Variants in ANKRD11 observed in about 807,000 individuals in gnomAD.
The protein encoded by ANKRD11 is ankyrin repeat domain 11.
Under a neutral mutation model 195.7 loss-of-function variants are expected in ANKRD11, and 17 were observed. That is an observed-to-expected ratio of 0.09 (90% CI 0.06 to 0.13). The LOEUF is 0.13. ANKRD11 is among the 10% of genes least tolerant of loss of function. The pLI is 1.00. For missense variants in ANKRD11, 3,735 were observed against 3,566.1 expected (o/e 1.05, Z -1.21); for synonymous variants, 1,953 against 1,528.1 (o/e 1.28, Z -6.49).
At chr16:89,448,294 AG>A (rs2043900212) in intron 1 of ANKRD11, among the ~76,000 whole-genome samples, 1 of 152,244 alleles carries the variant, frequency 6.6e-6, no homozygotes, top group Non-Finnish European at 1.5e-5. Context: ...TAATATAAAA[AG>A]AAAAAGTCTC....
At chr16:89,381,220 C>G (rs1391953990) in intron 2 of ANKRD11, among the ~76,000 whole-genome samples, 1 of 151,312 alleles carries the variant, frequency 6.6e-6, no homozygotes, top group African/African-American at 2.4e-5. Context: ...TAATCCCAGC[C>G]ACTGGGGAGG....
At chr16:89,352,563 A>G (rs73255814) in intron 2 of ANKRD11, among the ~76,000 whole-genome samples, 6,356 of 152,214 alleles carry the variant, frequency 0.042, 462 homozygotes, top group African/African-American at 0.14. Context: ...GGCCCCTGTC[A>G]GGGCCACTTC....
intron 2 of ANKRD11, among the ~76,000 whole-genome samples, chr16:89,333,833 C>T (rs564890560): frequency 1.3e-5 from 2 of 152,276 alleles, no homozygotes; most frequent in Non-Finnish European, 2.9e-5. Flanking sequence ...GGGCACTGCA[C>T]ACCATCACAG....
chr16:89,303,286 C>G (rs954144511), intron 4 of ANKRD11, among the ~76,000 whole-genome samples: 1 of 152,230 alleles, frequency 6.6e-6, no homozygotes, highest in East Asian at 1.9e-4. Flanking sequence ...AACATGACGG[C>G]CTTCTACAAC....
intron 7 of ANKRD11, chr16:89,288,212 G>C: frequency 1.6e-6 from 1 of 610,080 alleles, no homozygotes; most frequent in Non-Finnish European, 2.9e-6. Flanking sequence ...GGGACCGGCA[G>C]CAACTCCTGC....
chr16:89,288,104 G>C (rs2034778954), intron 7 of ANKRD11: 2 of 581,992 alleles, frequency 3.4e-6, no homozygotes, highest in African/African-American at 1.9e-5. Context: ...TAAAGCTTGA[G>C]TCTATGGTTC....
chr16:89,475,178 A>G (rs1388868071), intron 1 of ANKRD11, among the ~76,000 whole-genome samples: 2 of 152,192 alleles, frequency 1.3e-5, no homozygotes, highest in Non-Finnish European at 2.9e-5. Context: ...GGTTGGAGAG[A>G]TGGACTAACT....
chr16:89,326,096 G>A (rs1272899208), intron 2 of ANKRD11, among the ~76,000 whole-genome samples: 1 of 152,228 alleles, frequency 6.6e-6, no homozygotes, highest in South Asian at 2.1e-4. Context: ...CACAGAAGGC[G>A]CCAAGATACA....
intron 2 of ANKRD11, among the ~76,000 whole-genome samples, chr16:89,390,382 A>C (rs1375151844): frequency 6.6e-6 from 1 of 152,170 alleles, no homozygotes; most frequent in East Asian, 1.9e-4. Flanking sequence ...GAGAGAGAGA[A>C]GATCACTGGA....
chr16:89,283,273 G>A lies in ANKRD11; in HGVS notation c.3269C>T (p.Ala1090Val), dbSNP rs762383020. 1.9e-6 allele frequency: 3 copies of A among 1,613,920 alleles called. No individual in the cohort carries two copies. The highest frequency in any genetic ancestry group is 1.7e-6 in the Non-Finnish European group (2 of 1,180,034). ...GTCTTCTGAGATGATCCCAGGGAAA[G>A]CCTTCTCCTTCTTCTCTTTCCCTTG... ...LDQGKEKKEK[A>V]FPGIISEDFS... Residue 1090 changes from alanine (A) to valine (V), a missense_variant, in exon 9 of 13, where the codon GCT (alanine) becomes GTT (valine). Transcript: ENST00000301030. The surrounding 1 kb of genome is among the most constrained non-coding windows in gnomAD (Gnocchi z 4.3).
chr16:89,284,802 G>C lies in ANKRD11; in HGVS notation c.1740C>G (p.Ser580=). Residue 580 remains serine (S), a synonymous_variant, in exon 9 of 13, where the codon TCC becomes TCG. Transcript: ENST00000301030. ...GCGATTCCACACTGGAGCCCTCAGA[G>C]GAGTAGTCAGACTCGCTTGTCAGTC... ...RTRLTSESDY[S]SEGSSVESLK... 6.2e-7 allele frequency: 1 copy of C among 1,613,732 alleles called. No individual in the cohort carries two copies. The highest frequency in any genetic ancestry group is 8.5e-7 in the Non-Finnish European group (1 of 1,180,030).
intron 2 of ANKRD11, among the ~76,000 whole-genome samples, chr16:89,375,083 A>T (rs908072806): frequency 3.3e-5 from 5 of 152,076 alleles, no homozygotes; most frequent in African/African-American, 1.2e-4. Context: ...GGGAAACGTA[A>T]ACAAACGTAA....
chr16:89,413,743 C>A (rs1024901039), intron 2 of ANKRD11, among the ~76,000 whole-genome samples: 1 of 152,210 alleles, frequency 6.6e-6, no homozygotes, highest in Non-Finnish European at 1.5e-5. Context: ...GAGCATTCTA[C>A]GGCAGGACAC....
chr16:89,434,899 C>T (rs1018494082), intron 1 of ANKRD11, among the ~76,000 whole-genome samples: 1 of 152,336 alleles, frequency 6.6e-6, no homozygotes, highest in African/African-American at 2.4e-5. Context: ...CACAAGAAAA[C>T]CCACGACAAA....
chr16:89,308,792 G>A (rs768771190), intron 3 of ANKRD11, among the ~76,000 whole-genome samples: 2 of 152,210 alleles, frequency 1.3e-5, no homozygotes, highest in Non-Finnish European at 2.9e-5. Context: ...CGCAGGGGGT[G>A]CGCGCCGTGA....
intron 2 of ANKRD11, among the ~76,000 whole-genome samples, chr16:89,364,744 C>T (rs968507279): frequency 2.0e-5 from 3 of 152,214 alleles, no homozygotes; most frequent in African/African-American, 7.2e-5. Context: ...CAAGCTTGCC[C>T]TATCTCACAC....
At chr16:89,289,032 G>A (rs1443014890) in intron 6 of ANKRD11, 4 of 345,038 alleles carry the variant, frequency 1.2e-5, no homozygotes, top group Non-Finnish European at 2.2e-5. Flanking sequence ...AAACACGGAG[G>A]GGAAACCTCC....
At chr16:89,471,444 C>A (rs1431540743) in intron 1 of ANKRD11, among the ~76,000 whole-genome samples, 1 of 152,072 alleles carries the variant, frequency 6.6e-6, no homozygotes, top group Non-Finnish European at 1.5e-5. Context: ...TTGCTAGAGG[C>A]TGCTCTGAGA....
chr16:89,409,698 C>A (rs1012454523), intron 2 of ANKRD11, among the ~76,000 whole-genome samples: 1 of 152,162 alleles, frequency 6.6e-6, no homozygotes, highest in African/African-American at 2.4e-5. Flanking sequence ...CTAAAAGTTT[C>A]CATTACAACA....
Sources: allele counts gnomAD v4.1 joint callset (sites outside exome capture counted in the v4.1 genomes callset), GRCh38; gene constraint gnomAD v4.1.1; non-coding constraint Gnocchi (gnomAD v3.1); transcripts MANE v1.5; gene names NCBI Gene and HGNC (gene_info 2026-07-23, HGNC 2026-07-21).